Variants in SPATS2L observed in about 807,000 individuals in gnomAD.
The protein encoded by SPATS2L is spermatogenesis associated serine rich 2 like, also known as SPATS2-like protein.
In SPATS2L, 30 loss-of-function variants were observed where a neutral mutation model predicts 59.6. The ratio of observed to expected loss-of-function variants is 0.50; its 90% confidence interval spans 0.38 to 0.68. The LOEUF (loss-of-function observed/expected upper bound fraction) is 0.68, where lower values mean the gene tolerates loss of function less well. Among genes scored for constraint, SPATS2L ranks in the 30% least tolerant of loss-of-function variants. The pLI is 0.00. For missense variants in SPATS2L, 615 were observed against 700.0 expected, an observed-to-expected ratio of 0.88 and a Z score of 1.37; for synonymous variants, 252 against 263.5, an observed-to-expected ratio of 0.96 and a Z score of 0.42.
At chr2:200,469,041 C>T (rs1386575856) in intron 10 of SPATS2L, among the ~76,000 whole-genome samples, 2 of 152,134 alleles carry the variant, frequency 1.3e-5, no homozygotes, top group Non-Finnish European at 2.9e-5. Context: ...CTCTTAGACT[C>T]GTAGAACCCC....
intron 2 of SPATS2L, among the ~76,000 whole-genome samples, chr2:200,387,138 G>C (rs188194221): frequency 1.1e-4 from 17 of 152,308 alleles, no homozygotes; most frequent in Admixed American, 9.8e-4. Context: ...GTAACTTTCA[G>C]GGTCAGGAAT....
At chr2:200,459,745 G>GT in intron 8 of SPATS2L, 24 bp from the exon 9 acceptor site, 1 of 1,583,886 alleles carries the variant, frequency 6.3e-7, no homozygotes, top group Non-Finnish European at 8.6e-7. Flanking sequence ...CTTTGCTTTT[G>GT]TTTTTGTTTT....
At chr2:200,443,747 G>A (rs1021271204) in intron 8 of SPATS2L, among the ~76,000 whole-genome samples, 2 of 152,170 alleles carry the variant, frequency 1.3e-5, no homozygotes, top group East Asian at 1.9e-4. Context: ...TCCCTGAAAA[G>A]TACTGCTGGA....
At chr2:200,422,267 TG>T (rs138590540) in intron 6 of SPATS2L, among the ~76,000 whole-genome samples, 113 of 152,338 alleles carry the variant, frequency 7.4e-4, no homozygotes, top group Non-Finnish European at 1.3e-3. Context: ...CCAGGCTTGG[TG>T]ACTCACACTT....
intron 8 of SPATS2L, among the ~76,000 whole-genome samples, chr2:200,444,450 T>C (rs1433946372): frequency 1.3e-5 from 2 of 152,108 alleles, no homozygotes; most frequent in Non-Finnish European, 2.9e-5. Flanking sequence ...AAAAGCACCC[T>C]AAGAAAATGG....
At chr2:200,327,860 G>GCC (rs1553506942) in intron 1 of SPATS2L, among the ~76,000 whole-genome samples, 1 of 150,408 alleles carries the variant, frequency 6.6e-6, no homozygotes, top group Admixed American at 6.6e-5. Context: ...GCGTGTGCGG[G>GCC]CACACACACA....
chr2:200,371,087 T>C (rs1395202125), intron 2 of SPATS2L, among the ~76,000 whole-genome samples: 1 of 152,122 alleles, frequency 6.6e-6, no homozygotes, highest in African/African-American at 2.4e-5. Context: ...TTATGATCAG[T>C]GTATACCGTG....
chr2:200,345,591 G>T (rs2080485569), intron 2 of SPATS2L, among the ~76,000 whole-genome samples: 1 of 152,132 alleles, frequency 6.6e-6, no homozygotes, highest in Non-Finnish European at 1.5e-5. Context: ...CCAAATCCCA[G>T]GTCTACACTT....
At chr2:200,326,715 C>A (rs767687223) in intron 1 of SPATS2L, among the ~76,000 whole-genome samples, 1 of 151,934 alleles carries the variant, frequency 6.6e-6, no homozygotes, top group Non-Finnish European at 1.5e-5. Flanking sequence ...CAGAATAATG[C>A]ATGATATGTT....
At chr2:200,401,830 G>A (rs2082539084) in intron 3 of SPATS2L, among the ~76,000 whole-genome samples, 1 of 152,152 alleles carries the variant, frequency 6.6e-6, no homozygotes, top group South Asian at 2.1e-4. Flanking sequence ...GTTTGATGCT[G>A]ATGGTGCCAA....
chr2:200,325,275 T>A (rs2079696860), intron 1 of SPATS2L, among the ~76,000 whole-genome samples: 1 of 152,264 alleles, frequency 6.6e-6, no homozygotes, highest in African/African-American at 2.4e-5. Context: ...GCTGCTTTAA[T>A]CCTTCTCCCA....
At chr2:200,336,995 G>A (rs539208916) in intron 2 of SPATS2L, among the ~76,000 whole-genome samples, 2 of 152,254 alleles carry the variant, frequency 1.3e-5, no homozygotes, top group South Asian at 2.1e-4. Context: ...GACAGATATG[G>A]TAATAACGAT....
At chr2:200,307,765 C>T (rs2105734708) in intron 1 of SPATS2L, among the ~76,000 whole-genome samples, 1 of 152,364 alleles carries the variant, frequency 6.6e-6, no homozygotes, top group African/African-American at 2.4e-5. Flanking sequence ...TTTCGTGTTC[C>T]CGCGGGGTTG....
chr2:200,340,106 C>G (rs1416797722), intron 2 of SPATS2L, among the ~76,000 whole-genome samples: 1 of 152,176 alleles, frequency 6.6e-6, no homozygotes, highest in East Asian at 1.9e-4. Context: ...AATCTAAGAG[C>G]CCCACTGTGG....
chr2:200,386,006 T>C (rs2081982799), intron 2 of SPATS2L, among the ~76,000 whole-genome samples: 1 of 152,224 alleles, frequency 6.6e-6, no homozygotes, highest in African/African-American at 2.4e-5. Flanking sequence ...TACAATTCTT[T>C]AAGGCAAACC....
chr2:200,372,455 G>T (rs2081458134), intron 2 of SPATS2L, among the ~76,000 whole-genome samples: 4 of 152,092 alleles, frequency 2.6e-5, no homozygotes, highest in Admixed American at 1.3e-4. Flanking sequence ...CCAGGAAAGG[G>T]TATTCCATGG....
Position 200,440,685 on chromosome 2 carries a change from G to A in SPATS2L, c.689G>A (p.Arg230His), listed in dbSNP as rs2084636158. 2 of 1,613,526 alleles carry A rather than the reference G, an allele frequency of 1.2e-6. No individual in the cohort carries two copies. The highest frequency in any genetic ancestry group is 1.7e-5 in the Admixed American group (1 of 60,002). ...GAGAAATCAGTGAAGGATTTGCAAC[G>A]CTGCACCGTTTCTCTAACTAGATAT... is the stretch of plus-strand genomic sequence containing the variant. ...NIEKSVKDLQ[R>H]CTVSLTRYRV... Residue 230 changes from arginine to histidine, a missense_variant, in exon 8 of 13, where the codon CGC becomes CAC. By Grantham distance (29) the Arg-to-His change is conservative. Around this residue, in one of 3 missense-constraint regions of SPATS2L, gnomAD observed 104 missense variants for 162.5 expected, o/e 0.64. Coordinates refer to ENST00000409140, the MANE Select transcript of SPATS2L (RefSeq NM_001100423.2).
chr2:200,406,780 C>A (rs1054778003), intron 3 of SPATS2L, among the ~76,000 whole-genome samples: 2 of 152,190 alleles, frequency 1.3e-5, no homozygotes, highest in African/African-American at 4.8e-5. Flanking sequence ...TTTGTTACTG[C>A]TGTATCCAGC....
chr2:200,343,088 A>T (rs1287083627), intron 2 of SPATS2L, among the ~76,000 whole-genome samples: 5 of 152,226 alleles, frequency 3.3e-5, no homozygotes, highest in Non-Finnish European at 5.9e-5. Flanking sequence ...TCAGACTACA[A>T]ACTGATCTGG....
Sources: gnomAD v4.1 joint callset for allele counts (sites outside exome capture counted in the v4.1 genomes callset) on GRCh38, gnomAD v4.1.1 for gene constraint, gnomAD v4.1.1 regional missense constraint, MANE v1.5 for transcripts, NCBI Gene and HGNC (gene_info 2026-07-23, HGNC 2026-07-21) for gene names.